DPYD: variants seen among roughly 807,000 people sequenced by gnomAD.
DPYD encodes dihydropyrimidine dehydrogenase.
A neutral mutation model predicts 116.2 loss-of-function variants in DPYD; 109 were observed. The ratio of observed to expected loss-of-function variants is 0.94; its 90% CI spans 0.80 to 1.10. The LOEUF is 1.10. DPYD is among the 50% of genes least tolerant of loss of function. DPYD has a pLI of 0.00. For synonymous variants in DPYD, 440 were observed against 432.0 expected (o/e 1.02, Z -0.23); for missense variants, 1,302 against 1,254.5 (o/e 1.04, Z -0.57).
chr1:97,603,200 G>T (rs1655375803), intron 8 of DPYD, among the ~76,000 whole-genome samples: 1 of 151,950 alleles, frequency 6.6e-6, no homozygotes, highest in African/African-American at 2.4e-5. Context: ...GGAGTTCTTA[G>T]ATAGTGTTAG....
chr1:97,367,286 A>T (rs1234277811), intron 16 of DPYD, among the ~76,000 whole-genome samples: 1 of 151,932 alleles, frequency 6.6e-6, no homozygotes, highest in Admixed American at 6.6e-5. Context: ...TTTTTTTTAA[A>T]AAAAAAAACA....
At chr1:97,419,799 T>C (rs1298541906) in intron 14 of DPYD, among the ~76,000 whole-genome samples, 1 of 152,170 alleles carries the variant, frequency 6.6e-6, no homozygotes, top group African/African-American at 2.4e-5. Context: ...AATTGAGAAA[T>C]TTCTAGGTCA....
intron 20 of DPYD, among the ~76,000 whole-genome samples, chr1:97,112,556 A>G (rs1401385353): frequency 1.3e-5 from 2 of 152,156 alleles, no homozygotes; most frequent in East Asian, 3.9e-4. Flanking sequence ...CTTCACGAAC[A>G]TCTGGCAGTG....
At chr1:97,570,159 T>A (rs1652795708) in intron 11 of DPYD, among the ~76,000 whole-genome samples, 1 of 152,042 alleles carries the variant, frequency 6.6e-6, no homozygotes. Context: ...TTACAAAGAT[T>A]GTGGAATATT....
chr1:97,771,652 C>T (rs1666148571), intron 3 of DPYD, among the ~76,000 whole-genome samples: 2 of 152,098 alleles, frequency 1.3e-5, no homozygotes, highest in African/African-American at 4.8e-5. Flanking sequence ...TAGATGAATG[C>T]ATTAATCTTC....
intron 3 of DPYD, among the ~76,000 whole-genome samples, chr1:97,793,814 T>G (rs1234314592): frequency 6.6e-6 from 1 of 152,150 alleles, no homozygotes; most frequent in Non-Finnish European, 1.5e-5. Flanking sequence ...AGACAAAGAT[T>G]TTTTTAGATA....
At chr1:97,879,407 A>C (rs2101633518) in intron 2 of DPYD, among the ~76,000 whole-genome samples, 1 of 152,006 alleles carries the variant, frequency 6.6e-6, no homozygotes, top group Non-Finnish European at 1.5e-5. Flanking sequence ...ACCTAGCATA[A>C]GTTTTCTGAT....
intron 20 of DPYD, among the ~76,000 whole-genome samples, chr1:97,171,894 G>T (rs1415350502): frequency 6.6e-6 from 1 of 152,060 alleles, no homozygotes; most frequent in Non-Finnish European, 1.5e-5. Flanking sequence ...CAGTTTATAG[G>T]CATCACCTGC....
At chr1:97,401,447 G>A (rs1257567317) in intron 14 of DPYD, among the ~76,000 whole-genome samples, 1 of 152,044 alleles carries the variant, frequency 6.6e-6, no homozygotes, top group African/African-American at 2.4e-5. Flanking sequence ...CTGAGTAGCT[G>A]GGATTCCAGG....
At position 97,784,865 on chromosome 1, in the gene DPYD, C is replaced by T. The variant is rs143265274; in HGVS notation, c.233+43249G>A. Among the ~76,000 whole-genome samples the T allele has an allele frequency of 3.1e-4, 47 of 152,292 alleles. 1 individual carries two copies. In the East Asian group the frequency reaches 8.7e-3, roughly 28 times the overall value. ...TAGACACTAACAAAGGTAGCCAATACATAAAATTTTATGTCCAGAAGAATT... is the reference window on the plus strand; with the variant it reads ...TAGACACTAACAAAGGTAGCCAATATATAAAATTTTATGTCCAGAAGAATT... On this transcript the variant is annotated intron_variant, in intron 3 of 22. Coordinates refer to ENST00000370192, the MANE Select transcript of DPYD (RefSeq NM_000110.4).
chr1:97,257,512 C>G (rs924695012), intron 18 of DPYD, among the ~76,000 whole-genome samples: 5 of 148,964 alleles, frequency 3.4e-5, no homozygotes, highest in Non-Finnish European at 5.9e-5. Context: ...TACCATATCT[C>G]TATATAGTGT....
chr1:97,675,998 C>T (rs1660125529), intron 8 of DPYD, among the ~76,000 whole-genome samples: 2 of 152,032 alleles, frequency 1.3e-5, no homozygotes, highest in South Asian at 2.1e-4. Context: ...CCACCCGCCT[C>T]GGCCTCCCAA....
intron 18 of DPYD, among the ~76,000 whole-genome samples, chr1:97,274,166 G>A (rs1664773466): frequency 6.6e-6 from 1 of 151,968 alleles, no homozygotes; most frequent in African/African-American, 2.4e-5. Context: ...TAAATTCAAG[G>A]AACCTAGAAC....
intron 19 of DPYD, among the ~76,000 whole-genome samples, chr1:97,223,838 CCCTT>C (rs1263515014): frequency 6.6e-6 from 1 of 152,006 alleles, no homozygotes; most frequent in Non-Finnish European, 1.5e-5. Flanking sequence ...TTAAAGTTCT[CCCTT>C]CAAACTGTTT....
At chr1:97,418,653 A>G (rs746546089) in intron 14 of DPYD, among the ~76,000 whole-genome samples, 2 of 152,160 alleles carry the variant, frequency 1.3e-5, no homozygotes, top group Non-Finnish European at 2.9e-5. Context: ...AGAAAATATG[A>G]CAAGAAAAAG....
rs368617815 is a variant in DPYD, at chr1:97,082,351, G to T, written c.2886C>A (p.Thr962=). ...MCINCGKCYM[T]CNDSGYQAIQ... The stretch of plus-strand genomic sequence containing the variant: ...TTACCTGGTAGCCAGAATCATTACA[G>T]GTCATGTAGCATTTACCACAGTTGA... The change falls in exon 22 of 23, where the codon ACC becomes ACA. Residue 962 remains threonine, a synonymous_variant. Transcript: ENST00000370192. 1 of 1,613,470 alleles carries T rather than the reference G, an allele frequency of 6.2e-7. No homozygotes were observed. Among genetic ancestry groups the T allele is most frequent in the African/African-American group, 1.3e-5 (1 of 74,972 alleles).
chr1:97,267,656 T>A (rs939412624), intron 18 of DPYD, among the ~76,000 whole-genome samples: 4 of 151,112 alleles, frequency 2.6e-5, no homozygotes, highest in Non-Finnish European at 5.9e-5. Flanking sequence ...CTCTCAGGAA[T>A]CACCCTCATG....
chr1:97,681,243 C>A (rs1207135601), intron 7 of DPYD, among the ~76,000 whole-genome samples: 1 of 152,128 alleles, frequency 6.6e-6, no homozygotes, highest in Non-Finnish European at 1.5e-5. Context: ...AATTGCTGTG[C>A]TCTTGTGCCT....
intron 14 of DPYD, among the ~76,000 whole-genome samples, chr1:97,425,792 G>A (rs972280163): frequency 4.0e-5 from 6 of 148,960 alleles, no homozygotes; most frequent in Non-Finnish European, 9.1e-5. Flanking sequence ...AACCCTGACA[G>A]CATTCTTTTC....
Sources: allele counts gnomAD v4.1 joint callset (sites outside exome capture counted in the v4.1 genomes callset), GRCh38; gene constraint gnomAD v4.1.1; transcripts MANE v1.5; gene names NCBI Gene and HGNC (gene_info 2026-07-23, HGNC 2026-07-21).